Variants in WSCD1 observed in about 807,000 individuals in gnomAD.
WSCD1 encodes the protein WSC domain sialate O sulfotransferase 1.
Under a neutral mutation model 60.4 loss-of-function variants are expected in WSCD1, and 41 were observed. That is an observed-to-expected ratio of 0.68 (90% confidence interval 0.53 to 0.88). The LOEUF (loss-of-function observed/expected upper bound fraction) is 0.88. WSCD1 is among the 40% of genes least tolerant of loss of function. The pLI is 0.00. For missense variants in WSCD1, 784 were observed against 796.2 expected, an observed-to-expected ratio of 0.98 and a Z score of 0.18; for synonymous variants, 361 against 332.5, an observed-to-expected ratio of 1.09 and a Z score of -0.93.
In WSCD1 at chr17:6,095,231, C is replaced by G. The variant is rs144518983; in HGVS notation, c.849+8C>G. ...GGCTTTTGTTCCCAGAAAGTAAGAC[C>G]AAGTGATCATTTCACAACCCTTTCC... On this transcript the variant is annotated splice_region_variant and intron_variant, in intron 5 of 8. Transcript: ENST00000317744. 1.9e-6 allele frequency: 3 copies of G among 1,612,028 alleles called. No individual in the cohort carries two copies. The highest frequency in any genetic ancestry group is 2.5e-6 in the Non-Finnish European group (3 of 1,179,080).
At chr17:6,105,739 T>A (rs1911050920) in intron 5 of WSCD1, among the ~76,000 whole-genome samples, 1 of 152,188 alleles carries the variant, frequency 6.6e-6, no homozygotes, top group Non-Finnish European at 1.5e-5. Context: ...TTGTGGGGCA[T>A]CAACGTCAGT....
intron 2 of WSCD1, among the ~76,000 whole-genome samples, chr17:6,084,493 A>G (rs1016447484): frequency 5.3e-5 from 8 of 152,160 alleles, no homozygotes; most frequent in African/African-American, 1.9e-4. Context: ...GCAGCCCGCC[A>G]TCCTCCTGAA....
intron 1 of WSCD1, among the ~76,000 whole-genome samples, chr17:6,076,929 G>C (rs532211374): frequency 7.4e-4 from 113 of 152,308 alleles, no homozygotes; most frequent in Non-Finnish European, 1.5e-3. Flanking sequence ...TGCCCTGCTA[G>C]CTGTGTGCTG....
chr17:6,097,056 A>G (rs1194830196), intron 5 of WSCD1, among the ~76,000 whole-genome samples: 1 of 152,220 alleles, frequency 6.6e-6, no homozygotes, highest in South Asian at 2.1e-4. Flanking sequence ...ACAGGCACAG[A>G]GTGGCCGGCT....
rs1374241276 is a variant in WSCD1 at position 6,120,327 on chromosome 17, A to G, written c.1394A>G (p.Asn465Ser). 6.2e-7 allele frequency: 1 copy of G among 1,613,732 alleles called. No individual in the cohort carries two copies. The highest frequency in any genetic ancestry group is 8.5e-7 in the Non-Finnish European group (1 of 1,179,776). Residue 465 changes from asparagine (N) to serine (S), a missense_variant, in exon 9 of 9, where the codon AAC (asparagine) becomes AGC (serine). Coordinates refer to ENST00000317744, the MANE Select transcript of WSCD1 (RefSeq NM_015253.2). Reference sequence around the variant, plus strand: ...ACTCTAGAGTGGCCGGACTTTGTCAACAGCTACGCCTCGTGGTGGTCCTCG... The same window carrying G: ...ACTCTAGAGTGGCCGGACTTTGTCAGCAGCTACGCCTCGTGGTGGTCCTCG... Reference protein sequence around the residue: ...WKSKEWPDFVNSYASWWSSHV... With the variant: ...WKSKEWPDFVSSYASWWSSHV...
chr17:6,077,545 C>T (rs564501621), intron 1 of WSCD1, among the ~76,000 whole-genome samples: 3 of 152,152 alleles, frequency 2.0e-5, no homozygotes, highest in Admixed American at 2.0e-4. Context: ...CCAGCACCCA[C>T]CTCCCCAGAC....
intron 5 of WSCD1, among the ~76,000 whole-genome samples, chr17:6,106,510 A>G (rs544897263): frequency 2.0e-5 from 3 of 152,344 alleles, no homozygotes; most frequent in South Asian, 2.1e-4. Flanking sequence ...CACACAAAAA[A>G]CATGTGCTGG....
rs1186545710 is a variant in WSCD1 at position 6,118,188 on chromosome 17, G to A, written c.1375G>A (p.Glu459Lys). Residue 459 changes from glutamate (E) to lysine (K), a missense_variant and splice_region_variant, in exon 8 of 9, where the codon GAG becomes AAG. Coordinates refer to ENST00000317744, the MANE Select transcript of WSCD1 (RefSeq NM_015253.2). The surrounding 1 kb of genome is among the most constrained non-coding windows in gnomAD (Gnocchi z 5.8). ...YAADRNWKSK[E>K]WPDFVNSYAS... The stretch of plus-strand genomic sequence containing the variant: ...AGCTGACCGCAACTGGAAGAGCAAA[G>A]GTAATCAAGGACCTTGCGGTGGGGG... 2 of 1,613,954 alleles carry A rather than the reference G, an allele frequency of 1.2e-6. No individual in the cohort carries two copies. The highest frequency in any genetic ancestry group is 1.1e-5 in the South Asian group (1 of 91,058).
chr17:6,086,421 C>T (rs1909655560), intron 2 of WSCD1, among the ~76,000 whole-genome samples: 2 of 151,692 alleles, frequency 1.3e-5, no homozygotes, highest in Non-Finnish European at 2.9e-5. Flanking sequence ...CTGCAACCTC[C>T]ACCTCCTAGG....
intron 5 of WSCD1, among the ~76,000 whole-genome samples, chr17:6,105,866 C>A (rs559396025): frequency 6.6e-5 from 10 of 152,310 alleles, no homozygotes; most frequent in African/African-American, 2.2e-4. Context: ...CCCCTCTGGG[C>A]TTTCTGATAT....
chr17:6,107,322 G>A (rs547017420), intron 5 of WSCD1, among the ~76,000 whole-genome samples: 10 of 151,940 alleles, frequency 6.6e-5, no homozygotes, highest in Non-Finnish European at 1.5e-4. Flanking sequence ...CCAACGTGGT[G>A]AAACCCCATC....
chr17:6,081,104 T>C lies in WSCD1; in HGVS notation c.427+19T>C. On this transcript the variant is annotated intron_variant, in intron 2 of 8. Transcript: ENST00000317744. ...AGCCGAGGTAGGCGCTCAGCTGCAT[T>C]TGGGGGAGCTGTTCCCAGGACCCCC... is the stretch of plus-strand genomic sequence containing the variant. 1 of 1,525,660 alleles carries C rather than the reference T, an allele frequency of 6.6e-7. No individual in the cohort carries two copies. Among genetic ancestry groups the C allele is most frequent in the Non-Finnish European group, 8.8e-7 (1 of 1,138,534 alleles). 94.5% of individuals were successfully genotyped at this position (1,525,660 alleles called of 1,614,324 possible).
chr17:6,092,626 C>T (rs146137401), intron 4 of WSCD1, among the ~76,000 whole-genome samples: 51 of 152,302 alleles, frequency 3.3e-4, no homozygotes, highest in South Asian at 1.5e-3. Context: ...AACTGCTCCA[C>T]GCTGGCTTCT....
chr17:6,072,157 T>C (rs2239901), intron 1 of WSCD1, among the ~76,000 whole-genome samples: 41,688 of 152,260 alleles, frequency 0.27, 5,974 homozygotes, highest in African/African-American at 0.35. Flanking sequence ...TATGGGGTAC[T>C]GCCCTGTGGC....
intron 5 of WSCD1, among the ~76,000 whole-genome samples, chr17:6,102,328 G>A (rs1910856328): frequency 6.6e-6 from 1 of 152,172 alleles, no homozygotes; most frequent in African/African-American, 2.4e-5. Context: ...GGTCTCCATG[G>A]GGCACCCAAG....
rs909537691 is a variant in WSCD1 at position 6,075,121 on chromosome 17, G to T, written c.-289+4469G>T. ...CCCATCACCTTGTCTAGAGAGCAAC[G>T]TTCTGGGCCCTATTCTTGTCGCTGG... is the stretch of plus-strand genomic sequence containing the variant. On this transcript the variant is annotated intron_variant, in intron 1 of 8. Transcript: ENST00000317744. This position sits in a 1 kb window ranked among gnomAD's most constrained non-coding sequence, Gnocchi z 4.1. Among the ~76,000 whole-genome samples the T allele has an allele frequency of 6.6e-6, 1 of 152,158 alleles. No homozygotes were observed. The highest frequency in any genetic ancestry group is 1.5e-5 in the Non-Finnish European group (1 of 68,032).
At position 6,084,520 on chromosome 17, in the gene WSCD1, C is replaced by T. The variant is rs1235404649; in HGVS notation, c.427+3435C>T. Among the ~76,000 whole-genome samples, 5 of 152,206 alleles carry T rather than the reference C, an allele frequency of 3.3e-5. No homozygotes were observed. The South Asian group carries it at 6.2e-4, about 19-fold the overall frequency. On this transcript the variant is annotated intron_variant, in intron 2 of 8. Transcript: ENST00000317744. The stretch of plus-strand genomic sequence containing the variant: ...CCTCCTGAAAGGGGATCCTGTAAGG[C>T]GCGGAAGCTGCAGGAGGCTCCATCA...
Position 6,110,700 on chromosome 17 carries a change from A to C in WSCD1, c.1010-71A>C. On this transcript the variant is annotated intron_variant, in intron 6 of 8. Coordinates refer to ENST00000317744, the MANE Select transcript of WSCD1 (RefSeq NM_015253.2). This position sits in a 1 kb window ranked among gnomAD's most constrained non-coding sequence, Gnocchi z 4.8. Reference sequence around the variant, plus strand: ...GAGTCTTCGTTCATCAGTTCCTCTAAGGGAGTTTAGTGGTGAATTGGTGAG... The same window carrying C: ...GAGTCTTCGTTCATCAGTTCCTCTACGGGAGTTTAGTGGTGAATTGGTGAG... 1 of 1,532,046 alleles carries C rather than the reference A, an allele frequency of 6.5e-7. No homozygotes were observed. The highest frequency in any genetic ancestry group is 8.8e-7 in the Non-Finnish European group (1 of 1,130,484). 94.9% of individuals were successfully genotyped at this position (1,532,046 alleles called of 1,614,324 possible).
Position 6,077,577 on chromosome 17 carries a change from G to T in WSCD1, c.-288-2794G>T, listed in dbSNP as rs530466836. 2.0e-5 allele frequency among the ~76,000 whole-genome samples: 3 copies of T among 152,274 alleles called. No homozygotes were observed. In the East Asian group the frequency reaches 5.8e-4, roughly 29 times the overall value. On this transcript the variant is annotated intron_variant, in intron 1 of 8. Coordinates refer to ENST00000317744, the MANE Select transcript of WSCD1 (RefSeq NM_015253.2). ...AGACCAGGGAAACCCCTTCTGGGAAGGGGGAGCGCCAGAAAATACTTTGGA... is the reference window on the plus strand; with the variant it reads ...AGACCAGGGAAACCCCTTCTGGGAATGGGGAGCGCCAGAAAATACTTTGGA...
Sources: allele counts gnomAD v4.1 joint callset (sites outside exome capture counted in the v4.1 genomes callset), GRCh38; gene constraint gnomAD v4.1.1; non-coding constraint Gnocchi (gnomAD v3.1); transcripts MANE v1.5; gene names NCBI Gene and HGNC (gene_info 2026-07-23, HGNC 2026-07-21).